GALM: variants seen among roughly 807,000 people sequenced by gnomAD.
GALM encodes galactose mutarotase, also known as aldose 1-epimerase.
A neutral mutation model predicts 37.4 loss-of-function variants in GALM; 43 were observed. The ratio of observed to expected loss-of-function variants is 1.15; its 90% confidence interval spans 0.90 to 1.48. The LOEUF (loss-of-function observed/expected upper bound fraction) is 1.48, where lower values mean the gene tolerates loss of function less well. Ranked by LOEUF, GALM falls within the 40% of genes most tolerant of loss-of-function variation. The probability of loss-of-function intolerance (pLI) is 0.00; values close to 1 mark genes in which losing one functional copy is unlikely to be tolerated. For synonymous variants in GALM, 199 were observed against 170.6 expected, an observed-to-expected ratio of 1.17 and a Z score of -1.30; for missense variants, 456 against 419.1, an observed-to-expected ratio of 1.09 and a Z score of -0.77.
At chr2:38,675,867 C>T (rs1190279660) in intron 1 of GALM, 45 bp from the exon 2 acceptor site, 1 of 1,602,034 alleles carries the variant, frequency 6.2e-7, no homozygotes, top group East Asian at 2.2e-5. Context: ...CCGTGCCCAG[C>T]CTGAATTGAA....
intron 4 of GALM, among the ~76,000 whole-genome samples, chr2:38,723,065 T>C (rs1405841167): frequency 1.3e-5 from 2 of 152,174 alleles, no homozygotes; most frequent in Non-Finnish European, 2.9e-5. Context: ...TCTCCTGCCT[T>C]CATTCATCAG....
chr2:38,695,767 C>T (rs1248154203), intron 4 of GALM, among the ~76,000 whole-genome samples: 4 of 152,090 alleles, frequency 2.6e-5, no homozygotes, highest in Non-Finnish European at 4.4e-5. Context: ...GATCTCAGCT[C>T]TCTGCAGCAA....
intron 4 of GALM, among the ~76,000 whole-genome samples, chr2:38,713,508 A>G (rs1053262985): frequency 3.9e-5 from 6 of 152,150 alleles, no homozygotes; most frequent in Middle Eastern, 3.2e-3. Context: ...GAAGTGTCTC[A>G]AACCTTAGTG....
chr2:38,720,291 T>G (rs1039774525), intron 4 of GALM, among the ~76,000 whole-genome samples: 2 of 151,994 alleles, frequency 1.3e-5, no homozygotes, highest in African/African-American at 4.8e-5. Context: ...GTTTAATGCC[T>G]GGCACATAGA....
intron 4 of GALM, among the ~76,000 whole-genome samples, chr2:38,702,324 AT>A (rs769898307): frequency 7.9e-5 from 12 of 152,234 alleles, no homozygotes; most frequent in Non-Finnish European, 1.8e-4. Context: ...CATTTCACTG[AT>A]CAAAAAAATA....
chr2:38,679,414 G>A (rs1286081179), intron 2 of GALM, among the ~76,000 whole-genome samples: 2 of 151,984 alleles, frequency 1.3e-5, no homozygotes, highest in African/African-American at 2.4e-5. Flanking sequence ...TAACTCCACT[G>A]AACTCAATTT....
At chr2:38,722,052 C>T (rs1238998465) in intron 4 of GALM, among the ~76,000 whole-genome samples, 5 of 121,570 alleles carry the variant, frequency 4.1e-5, no homozygotes, top group East Asian at 3.1e-4. Flanking sequence ...CCCCCCCCCC[C>T]ACCTAGAACA....
chr2:38,700,244 G>A (rs898318630), intron 4 of GALM, among the ~76,000 whole-genome samples: 9 of 152,108 alleles, frequency 5.9e-5, no homozygotes, highest in Non-Finnish European at 8.8e-5. Context: ...GAACCACCGC[G>A]CTCAGCCTAA....
chr2:38,666,253 T>C lies in GALM; in HGVS notation c.92T>C (p.Val31Ala), dbSNP rs1664928397. The change falls in exon 1 of 7, where the codon GTG becomes GCG. Residue 31 changes from valine (V) to alanine (A), a missense_variant. By Grantham distance (64) the Val-to-Ala change is moderately conservative. Transcript: ENST00000272252. ...KFQLQSDLLR[V>A]DIISWGCTIT... ...CAGCTGCAGTCAGACCTCTTGAGAG[T>C]GGACATCATCTCCTGGGGCTGCACG... 1 of 1,613,708 alleles carries C rather than the reference T, an allele frequency of 6.2e-7. No homozygotes were observed. Among genetic ancestry groups the C allele is most frequent in the East Asian group, 2.2e-5 (1 of 44,848 alleles).
intron 4 of GALM, among the ~76,000 whole-genome samples, chr2:38,724,432 C>G (rs1282271984): frequency 6.6e-6 from 1 of 152,126 alleles, no homozygotes; most frequent in Non-Finnish European, 1.5e-5. Context: ...CTTGAACGAT[C>G]AATTGGACTT....
rs59249528 is a variant in GALM, at chr2:38,681,129, CA to C, written c.346-137del. On this transcript the variant is annotated intron_variant, in intron 2 of 6. Transcript: ENST00000272252. ...TGGACAACATAGTGAGACCCTGTCT[CA>C]AAAAAAAAAAAAATCCAGGCTATCA... 142,306 of 532,244 alleles carry C rather than the reference CA, an allele frequency of 0.27. 2,188 individuals are homozygous for C. Among genetic ancestry groups the C allele is most frequent in the East Asian group, 0.41 (13,085 of 31,736 alleles). The allele number at this position is 532,244 out of a possible 1,614,324, so 33.0% of individuals were successfully genotyped here.
In GALM at chr2:38,666,338, C is replaced by T. The variant is rs576534624; in HGVS notation, c.177C>T (p.Phe59=). The change falls in exon 1 of 7, where the codon TTC becomes TTT. Residue 59 remains phenylalanine, a synonymous_variant. Coordinates refer to ENST00000272252, the MANE Select transcript of GALM (RefSeq NM_138801.3). ...GAGCCTCGGACGTGGTGCTTGGCTT[C>T]GCCGAGTTGGAAGGTGGGTTGAACT... ...QGRASDVVLG[F]AELEGYLQKQ... The T allele has an allele frequency of 5.6e-6, 9 of 1,611,576 alleles. No individual in the cohort carries two copies. The South Asian group carries it at 8.8e-5, about 16-fold the overall frequency.
At chr2:38,690,170 G>A (rs1665638649) in intron 4 of GALM, among the ~76,000 whole-genome samples, 1 of 152,120 alleles carries the variant, frequency 6.6e-6, no homozygotes, top group Non-Finnish European at 1.5e-5. Flanking sequence ...AAAATGGTGA[G>A]TAAGATAATA....
In GALM at chr2:38,689,812, G is replaced by C. The variant is rs1348405669; in HGVS notation, c.553-1G>C. The C allele has an allele frequency of 6.3e-7, 1 of 1,588,112 alleles. No individual in the cohort carries two copies. Among genetic ancestry groups the C allele is most frequent in the South Asian group, 1.1e-5 (1 of 88,418 alleles). Reference sequence around the variant, plus strand: ...ACCTTTCCCCTACCTTTTCCTCCCAGGCTTCCCCAAATATAAATGACCATG... The same window carrying C: ...ACCTTTCCCCTACCTTTTCCTCCCACGCTTCCCCAAATATAAATGACCATG... On this transcript the variant is annotated splice_acceptor_variant, in intron 3 of 6. Coordinates refer to ENST00000272252, the MANE Select transcript of GALM (RefSeq NM_138801.3). LOFTEE classifies it high-confidence loss of function.
chr2:38,716,928 G>A (rs1558593804), intron 4 of GALM, among the ~76,000 whole-genome samples: 1 of 152,172 alleles, frequency 6.6e-6, no homozygotes, highest in African/African-American at 2.4e-5. Context: ...TCTGGAGGCA[G>A]AAATGCACCT....
intron 4 of GALM, 62 bp from the exon 5 acceptor site, chr2:38,729,494 G>T (rs1435023246): frequency 3.1e-5 from 46 of 1,482,944 alleles, no homozygotes; most frequent in Non-Finnish European, 4.3e-5. Context: ...CCTTTGTGGA[G>T]GCTCTATATA....
chr2:38,718,967 G>C (rs1666322953), intron 4 of GALM, among the ~76,000 whole-genome samples: 1 of 151,886 alleles, frequency 6.6e-6, no homozygotes, highest in African/African-American at 2.4e-5. Context: ...ATCAGTGCTT[G>C]GTCAGAAGTT....
chr2:38,669,993 G>C (rs765947325), intron 1 of GALM, among the ~76,000 whole-genome samples: 1 of 151,088 alleles, frequency 6.6e-6, no homozygotes, highest in Non-Finnish European at 1.5e-5. Flanking sequence ...CTCCCAAGTA[G>C]CTGGAATTAC....
At chr2:38,701,699 G>A (rs528597655) in intron 4 of GALM, among the ~76,000 whole-genome samples, 36 of 152,230 alleles carry the variant, frequency 2.4e-4, no homozygotes, top group African/African-American at 8.7e-4. Flanking sequence ...CTACAATTCG[G>A]CAGATGATAT....
Sources: gnomAD v4.1 joint callset for allele counts (sites outside exome capture counted in the v4.1 genomes callset) on GRCh38, gnomAD v4.1.1 for gene constraint, MANE v1.5 for transcripts, NCBI Gene and HGNC (gene_info 2026-07-23, HGNC 2026-07-21) for gene names.